Variants in PTPRD observed in about 807,000 individuals in gnomAD.
The protein encoded by PTPRD is receptor-type tyrosine-protein phosphatase delta.
A neutral mutation model predicts 214.5 loss-of-function variants in PTPRD; 34 were observed. That is an observed-to-expected ratio of 0.16 (90% CI 0.12 to 0.21). The LOEUF is 0.21. PTPRD is among the 10% of genes least tolerant of loss of function. The probability of loss-of-function intolerance (pLI) is 1.00; values close to 1 mark genes in which losing one functional copy is unlikely to be tolerated. For missense variants in PTPRD, 2,545 were observed against 2,398.7 expected, an observed-to-expected ratio of 1.06 and a Z score of -1.27; for synonymous variants, 1,128 against 845.7, an observed-to-expected ratio of 1.33 and a Z score of -5.79.
At chr9:10,300,457 G>C (rs1407140306) in intron 3 of PTPRD, among the ~76,000 whole-genome samples, 2 of 152,202 alleles carry the variant, frequency 1.3e-5, no homozygotes, top group Non-Finnish European at 1.5e-5. Flanking sequence ...AGACACAAGT[G>C]GTCTGGCTCT....
At chr9:10,547,654 A>G (rs569241978) in intron 2 of PTPRD, among the ~76,000 whole-genome samples, 2 of 152,028 alleles carry the variant, frequency 1.3e-5, no homozygotes, top group Non-Finnish European at 2.9e-5. Context: ...TACCATCAAG[A>G]CATTCATCAC....
intron 11 of PTPRD, among the ~76,000 whole-genome samples, chr9:8,780,994 A>C (rs1227493956): frequency 6.6e-6 from 1 of 152,188 alleles, no homozygotes; most frequent in Non-Finnish European, 1.5e-5. Flanking sequence ...CAGGGGAGCT[A>C]TTACACTCTG....
intron 2 of PTPRD, among the ~76,000 whole-genome samples, chr9:10,544,220 T>C (rs1012636300): frequency 6.6e-6 from 1 of 152,126 alleles, no homozygotes; most frequent in Admixed American, 6.6e-5. Flanking sequence ...TTTAAAATTA[T>C]GTATGGTGTC....
At chr9:9,883,623 A>G (rs2153744994) in intron 5 of PTPRD, among the ~76,000 whole-genome samples, 1 of 152,286 alleles carries the variant, frequency 6.6e-6, no homozygotes, top group South Asian at 2.1e-4. Context: ...CTGCTCTTTC[A>G]AAAGTAAAGC....
At position 9,236,302 on chromosome 9, in the gene PTPRD, G is replaced by A. The variant is rs1276427478; in HGVS notation, c.-202-52939C>T. ...ATAAGGAACAAAATTATTTGAGAGA[G>A]CTCTCATCCCAAACAACTATATTTC... is the stretch of plus-strand genomic sequence containing the variant. On this transcript the variant is annotated intron_variant, in intron 9 of 45. Transcript: ENST00000381196. Among the ~76,000 whole-genome samples the A allele has an allele frequency of 3.3e-5, 5 of 152,016 alleles. 1 individual carries two copies. Among genetic ancestry groups the A allele is most frequent in the Admixed American group, 6.6e-5 (1 of 15,238 alleles).
At chr9:9,374,091 C>T (rs1023218) in intron 9 of PTPRD, among the ~76,000 whole-genome samples, 66,397 of 151,414 alleles carry the variant, frequency 0.44, 16,977 homozygotes, top group African/African-American at 0.72. Context: ...TGGAATTGTA[C>T]GCAACCATAA....
At chr9:9,371,764 C>T (rs1223275741) in intron 9 of PTPRD, among the ~76,000 whole-genome samples, 2 of 152,062 alleles carry the variant, frequency 1.3e-5, no homozygotes, top group Admixed American at 1.3e-4. Flanking sequence ...CTATAAATTT[C>T]CCTCTACACA....
intron 10 of PTPRD, among the ~76,000 whole-genome samples, chr9:9,067,659 A>G (rs324509): frequency 0.98 from 148,531 of 152,264 alleles, 72,563 homozygotes; most frequent in Middle Eastern, 1. Context: ...TTGTTATAAT[A>G]TAGATTTGCA....
chr9:8,783,907 T>C (rs1047063571), intron 11 of PTPRD, among the ~76,000 whole-genome samples: 3 of 152,210 alleles, frequency 2.0e-5, no homozygotes, highest in Non-Finnish European at 4.4e-5. Flanking sequence ...TTCAGTGCTA[T>C]ACATCCTAAC....
chr9:10,225,549 T>C (rs950762394), intron 3 of PTPRD, among the ~76,000 whole-genome samples: 3 of 152,048 alleles, frequency 2.0e-5, no homozygotes, highest in Non-Finnish European at 1.5e-5. Flanking sequence ...AATGAAATAT[T>C]ACCATGAACA....
At chr9:10,173,541 C>T (rs918684612) in intron 3 of PTPRD, among the ~76,000 whole-genome samples, 4 of 152,018 alleles carry the variant, frequency 2.6e-5, no homozygotes, top group Non-Finnish European at 4.4e-5. Context: ...CCCAGATTGA[C>T]CAATGTTGTT....
intron 3 of PTPRD, among the ~76,000 whole-genome samples, chr9:10,274,393 C>G (rs991583403): frequency 3.9e-5 from 6 of 152,114 alleles, no homozygotes; most frequent in African/African-American, 1.4e-4. Context: ...GAGGCTGTCT[C>G]TAAATATAGT....
At chr9:10,203,479 C>T (rs768645863) in intron 3 of PTPRD, among the ~76,000 whole-genome samples, 1 of 151,968 alleles carries the variant, frequency 6.6e-6, no homozygotes, top group Non-Finnish European at 1.5e-5. Context: ...CATTTTGAAG[C>T]AGAAACTTGA....
chr9:8,781,758 A>G (rs534624313), intron 11 of PTPRD, among the ~76,000 whole-genome samples: 1 of 152,292 alleles, frequency 6.6e-6, no homozygotes, highest in East Asian at 1.9e-4. Context: ...GATGCAAACT[A>G]TACTTTCATA....
chr9:9,674,301 A>C (rs1190918846), intron 7 of PTPRD, among the ~76,000 whole-genome samples: 1 of 151,820 alleles, frequency 6.6e-6, no homozygotes, highest in Admixed American at 6.6e-5. Context: ...GTATATTTCC[A>C]CAAGTACATA....
At chr9:8,558,011 T>C (rs908977621) in intron 14 of PTPRD, among the ~76,000 whole-genome samples, 11 of 151,964 alleles carry the variant, frequency 7.2e-5, no homozygotes, top group African/African-American at 1.4e-4. Context: ...TGAAAAAAAA[T>C]TATGTAACTA....
intron 11 of PTPRD, among the ~76,000 whole-genome samples, chr9:8,856,016 T>C (rs770069088): frequency 2.6e-5 from 4 of 152,168 alleles, no homozygotes; most frequent in Non-Finnish European, 5.9e-5. Context: ...AATTATGGAA[T>C]GTGGGAGGTA....
At chr9:9,336,020 C>A (rs2044307336) in intron 9 of PTPRD, among the ~76,000 whole-genome samples, 1 of 151,784 alleles carries the variant, frequency 6.6e-6, no homozygotes, top group Non-Finnish European at 1.5e-5. Flanking sequence ...GGAAAAAATG[C>A]ACAAACTCAA....
At chr9:9,570,679 T>C (rs923362055) in intron 8 of PTPRD, among the ~76,000 whole-genome samples, 25 of 151,618 alleles carry the variant, frequency 1.6e-4, no homozygotes, top group South Asian at 2.1e-4. Context: ...CTGCTTTCAT[T>C]ATGACACAGA....
Sources: allele counts gnomAD v4.1 joint callset (sites outside exome capture counted in the v4.1 genomes callset), GRCh38; gene constraint gnomAD v4.1.1; transcripts MANE v1.5; gene names NCBI Gene and HGNC (gene_info 2026-07-23, HGNC 2026-07-21).